Variants in HERC1 observed in about 807,000 individuals in gnomAD.
HERC1 encodes the protein probable E3 ubiquitin-protein ligase HERC1.
Under a neutral mutation model 554.3 loss-of-function variants are expected in HERC1, and 160 were observed. The observed-to-expected ratio is 0.29, with a 90% CI of 0.25 to 0.33. The LOEUF (loss-of-function observed/expected upper bound fraction) is 0.33, where lower values mean the gene tolerates loss of function less well. HERC1 is among the 10% of genes least tolerant of loss of function. The probability of loss-of-function intolerance (pLI) is 1.00; values close to 1 mark genes in which losing one functional copy is unlikely to be tolerated. For missense variants in HERC1, 4,919 were observed against 5,918.5 expected (o/e 0.83, Z 5.54); for synonymous variants, 2,175 against 2,131.7 (o/e 1.02, Z -0.56).
At position 63,698,867 on chromosome 15, in the gene HERC1, T is replaced by G. The variant is rs1176877933; in HGVS notation, c.4766A>C (p.His1589Pro). ...GCTTACAACATTTTCAATCAAAGTGTGAACTCCCAAAGACTTGGTAAGATC... is the reference window on the plus strand; with the variant it reads ...GCTTACAACATTTTCAATCAAAGTGGGAACTCCCAAAGACTTGGTAAGATC... ...DFDLTKSLGVHTLIENVVSFV... is the reference protein window; with the variant it reads ...DFDLTKSLGVPTLIENVVSFV... Residue 1589 changes from histidine to proline, a missense_variant, in exon 26 of 78, where the codon CAC becomes CCC. His to Pro is a moderately conservative substitution (Grantham distance 77, BLOSUM62 -2). Transcript: ENST00000443617. 6.2e-7 allele frequency: 1 copy of G among 1,613,970 alleles called. No individual in the cohort carries two copies. The highest frequency in any genetic ancestry group is 1.3e-5 in the African/African-American group (1 of 75,048).
In HERC1 at chr15:63,733,024, T is replaced by C. The variant is rs35978932; in HGVS notation, c.2768A>G (p.Asn923Ser). The C allele has an allele frequency of 0.014, 23,234 of 1,613,884 alleles. 214 individuals carry two copies. The highest frequency in any genetic ancestry group is 0.03 in the Middle Eastern group (182 of 6,058). ...DLSSVCTGYG[N>S]LSDQPYGTQS... is the part of the protein sequence containing the mutation. ...AGTGCCGTAAGGTTGATCTGACAGA[T>C]TTCCGTAGCCAGTACACACAGAAGA... Residue 923 changes from asparagine to serine, a missense_variant, in exon 14 of 78, where the codon AAT becomes AGT. Physicochemically the swap from Asn to Ser is conservative, Grantham distance 46. Transcript: ENST00000443617.
chr15:63,706,822 G>A lies in HERC1; in HGVS notation c.4594C>T (p.Arg1532Ter). 2.6e-6 allele frequency: 4 copies of A among 1,536,768 alleles called. No individual in the cohort carries two copies. Among genetic ancestry groups the A allele is most frequent in the Non-Finnish European group, 3.5e-6 (4 of 1,136,226 alleles). The change falls in exon 25 of 78, where the codon CGA becomes TGA. Residue 1532 changes from arginine (R) to a stop codon, truncating the protein, a stop_gained. Transcript: ENST00000443617. LOFTEE classifies it high-confidence loss of function. ...GCTGCCAAATCCAAATCAACATTTC[G>A]TCTGCCACTCTATTAAAAGTAAAAA... is the stretch of plus-strand genomic sequence containing the variant. The part of the protein sequence containing the change: ...DEEGYALSGR[R>*]NVDLDLAASH...
At position 63,747,374 on chromosome 15, in the gene HERC1, C is replaced by T. The variant is rs191850411; in HGVS notation, c.2355-291G>A. Among the ~76,000 whole-genome samples, 159 of 152,024 alleles carry T rather than the reference C, an allele frequency of 1.0e-3. 1 individual carries two copies. The highest frequency in any genetic ancestry group is 3.6e-3 in the African/African-American group (149 of 41,444). ...ACTCAGAAGGCTGAGGCAAGAGAATCACTTGAACCTGGGAGGCAGAGGCTG... is the reference window on the plus strand; with the variant it reads ...ACTCAGAAGGCTGAGGCAAGAGAATTACTTGAACCTGGGAGGCAGAGGCTG... On this transcript the variant is annotated intron_variant, in intron 11 of 77. Transcript: ENST00000443617.
rs777677825 is a variant in HERC1, at chr15:63,641,632, G to A, written c.11445C>T (p.Val3815=). ...CTGCCCATTCTGCTGTACAATTCAC[G>A]ACCAAAACATCCTGGTTGAAAATAA... ...ACSNRSKDVL[V]VNCTAEWAAA... The change falls in exon 60 of 78, where the codon GTC becomes GTT. Residue 3815 remains valine, a synonymous_variant. Coordinates refer to ENST00000443617, the MANE Select transcript of HERC1 (RefSeq NM_003922.4). 10 of 1,538,152 alleles carry A rather than the reference G, an allele frequency of 6.5e-6. No individual in the cohort carries two copies. Among genetic ancestry groups the A allele is most frequent in the South Asian group, 2.4e-5 (2 of 82,526 alleles).
intron 3 of HERC1, among the ~76,000 whole-genome samples, chr15:63,761,369 CAGG>C (rs2075605280): frequency 6.6e-6 from 1 of 152,052 alleles, no homozygotes; most frequent in Non-Finnish European, 1.5e-5. Flanking sequence ...CACTTGAGCT[CAGG>C]AGTTTAAGAC....
chr15:63,692,103 G>C lies in HERC1; in HGVS notation c.5830+308C>G, dbSNP rs149752142. Among the ~76,000 whole-genome samples, 8 of 152,322 alleles carry C rather than the reference G, an allele frequency of 5.3e-5. No homozygotes were observed. Among genetic ancestry groups the C allele is most frequent in the African/African-American group, 1.9e-4 (8 of 41,570 alleles). On this transcript the variant is annotated intron_variant, in intron 31 of 77. Transcript: ENST00000443617. The surrounding 1 kb of genome is among the most constrained non-coding windows in gnomAD (Gnocchi z 4.7). ...CCTGATAATCCAAGAAGCAAGGTCGGAATCTGTGCTAAAATATCGTATTAA... is the reference window on the plus strand; with the variant it reads ...CCTGATAATCCAAGAAGCAAGGTCGCAATCTGTGCTAAAATATCGTATTAA...
chr15:63,766,200 C>T (rs983508626), intron 2 of HERC1, among the ~76,000 whole-genome samples: 2 of 151,336 alleles, frequency 1.3e-5, no homozygotes, highest in Non-Finnish European at 2.9e-5. Flanking sequence ...AGAGGTCAAA[C>T]ATTAACTTCA....
chr15:63,672,118 C>G (rs1394523255), intron 39 of HERC1, among the ~76,000 whole-genome samples: 4 of 151,586 alleles, frequency 2.6e-5, no homozygotes, highest in African/African-American at 9.7e-5. Flanking sequence ...ATGAAAACAA[C>G]CTGAGAAGAG....
chr15:63,663,994 C>T (rs759378457), intron 43 of HERC1, among the ~76,000 whole-genome samples: 3 of 151,998 alleles, frequency 2.0e-5, no homozygotes, highest in African/African-American at 7.3e-5. Context: ...TTTTACATGC[C>T]CAGAACGTAA....
At chr15:63,682,915 C>T (rs1740831403) in intron 34 of HERC1, among the ~76,000 whole-genome samples, 1 of 151,614 alleles carries the variant, frequency 6.6e-6, no homozygotes, top group South Asian at 2.1e-4. Flanking sequence ...GCAGGCAGAT[C>T]ACTTGAGGTT....
chr15:63,650,472 C>G (rs1343359022), intron 53 of HERC1, among the ~76,000 whole-genome samples: 1 of 149,500 alleles, frequency 6.7e-6, no homozygotes, highest in African/African-American at 2.5e-5. Context: ...GGAGTGAGTA[C>G]AATGGCATGA....
intron 60 of HERC1, among the ~76,000 whole-genome samples, chr15:63,641,170 G>A (rs1237422136): frequency 6.6e-6 from 1 of 152,186 alleles, no homozygotes; most frequent in Non-Finnish European, 1.5e-5. Context: ...GGTCAGAAAA[G>A]GGAAGATATT....
rs1265875338 is a variant in HERC1, at chr15:63,638,447, T to C, written c.12057A>G (p.Val4019=). 1 of 1,613,822 alleles carries C rather than the reference T, an allele frequency of 6.2e-7. No individual in the cohort carries two copies. The highest frequency in any genetic ancestry group is 1.1e-5 in the South Asian group (1 of 91,084). ...QLAEAGRNVM[V]PAAAPSFSQA... ...GTGAGAATGAGGGAGCTGCTGCAGG[T>C]ACCATTACATTTCTTCCAGCTTCTG... The change falls in exon 63 of 78, where the codon GTA becomes GTG. Residue 4019 remains valine (V), a synonymous_variant. Coordinates refer to ENST00000443617, the MANE Select transcript of HERC1 (RefSeq NM_003922.4).
chr15:63,767,307 G>A (rs1033812608), intron 2 of HERC1, among the ~76,000 whole-genome samples: 10 of 152,136 alleles, frequency 6.6e-5, no homozygotes, highest in African/African-American at 2.4e-4. Flanking sequence ...CTGGCCTATA[G>A]GTTTTAAGTT....
At chr15:63,678,604 C>A (rs1277792986) in intron 36 of HERC1, among the ~76,000 whole-genome samples, 1 of 151,974 alleles carries the variant, frequency 6.6e-6, no homozygotes, top group Admixed American at 6.6e-5. Flanking sequence ...TCATGAATTC[C>A]AGAGATGTTA....
At chr15:63,800,825 T>C (rs949627732) in intron 1 of HERC1, among the ~76,000 whole-genome samples, 1 of 152,206 alleles carries the variant, frequency 6.6e-6, no homozygotes, top group African/African-American at 2.4e-5. Context: ...TTTATGCTAA[T>C]GAGGTGACTC....
Position 63,621,658 on chromosome 15 carries a change from G to C in HERC1, c.13688+1157C>G, listed in dbSNP as rs373536971. On this transcript the variant is annotated intron_variant, in intron 74 of 77. Transcript: ENST00000443617. ...GATGTAGATTTGGTCTTTTCACATA[G>C]TCCCATATTTCTTGGAGGCTTTGTT... 6.6e-5 allele frequency among the ~76,000 whole-genome samples: 10 copies of C among 152,182 alleles called. No homozygotes were observed. The East Asian group carries it at 1.3e-3, about 21-fold the overall frequency.
intron 74 of HERC1, among the ~76,000 whole-genome samples, chr15:63,621,142 T>C (rs928559840): frequency 6.6e-6 from 1 of 152,260 alleles, no homozygotes; most frequent in African/African-American, 2.4e-5. Flanking sequence ...CAGTTCTTCC[T>C]TTCCATGTTT....
Position 63,694,677 on chromosome 15 carries a change from T to G in HERC1, c.5242+97A>C, listed in dbSNP as rs773062677. The G allele has an allele frequency of 7.9e-6, 12 of 1,514,708 alleles. No individual in the cohort carries two copies. The highest frequency in any genetic ancestry group is 3.4e-5 in the Admixed American group (2 of 59,578). 93.8% of individuals were successfully genotyped at this position (1,514,708 alleles called of 1,614,324 possible). Reference sequence around the variant, plus strand: ...TTTATTCTTTACCTATAAGTTTATCTACTAATGTTAAACACAAAATATAGA... The same window carrying G: ...TTTATTCTTTACCTATAAGTTTATCGACTAATGTTAAACACAAAATATAGA... On this transcript the variant is annotated intron_variant, in intron 28 of 77. Coordinates refer to ENST00000443617, the MANE Select transcript of HERC1 (RefSeq NM_003922.4). This position sits in a 1 kb window ranked among gnomAD's most constrained non-coding sequence, Gnocchi z 4.3.
Sources: gnomAD v4.1 joint callset for allele counts (sites outside exome capture counted in the v4.1 genomes callset) on GRCh38, gnomAD v4.1.1 for gene constraint, Gnocchi (gnomAD v3.1) non-coding constraint, MANE v1.5 for transcripts, NCBI Gene and HGNC (gene_info 2026-07-23, HGNC 2026-07-21) for gene names.